Variants in SLC35F3 observed in about 807,000 individuals in gnomAD.
SLC35F3 encodes solute carrier family 35 member F3, also known as putative thiamine transporter SLC35F3.
In SLC35F3, 25 loss-of-function variants were observed where a neutral mutation model predicts 49.9. The observed-to-expected ratio is 0.50, with a 90% CI of 0.37 to 0.70. The LOEUF (loss-of-function observed/expected upper bound fraction) is 0.70, where lower values mean the gene tolerates loss of function less well. Ranked by LOEUF, SLC35F3 falls within the 30% of genes least tolerant of loss-of-function variation. SLC35F3 has a pLI of 0.00. For synonymous variants in SLC35F3, 275 were observed against 265.4 expected (o/e 1.04, Z -0.35); for missense variants, 525 against 639.8 (o/e 0.82, Z 1.94).
intron 2 of SLC35F3, among the ~76,000 whole-genome samples, chr1:233,949,881 A>G (rs1199909900): frequency 6.6e-6 from 1 of 152,116 alleles, no homozygotes; most frequent in African/African-American, 2.4e-5. Flanking sequence ...GAGACCCAAA[A>G]GCCGTACTTC....
chr1:234,203,289 T>C (rs1015399451), intron 2 of SLC35F3, among the ~76,000 whole-genome samples: 1 of 152,206 alleles, frequency 6.6e-6, no homozygotes, highest in African/African-American at 2.4e-5. Context: ...GTCAAAATAT[T>C]TTAAAAGTGA....
rs76471641 is a variant in SLC35F3 at position 234,208,244 on chromosome 1, A to G, written c.284-23173A>G. ...ATCATAAGTATCACTTAACTCTAGC[A>G]AATGGATTGATGCCTTATTGGAATC... On this transcript the variant is annotated intron_variant, in intron 2 of 7. Coordinates refer to ENST00000366618, the MANE Select transcript of SLC35F3 (RefSeq NM_173508.4). Among the ~76,000 whole-genome samples the G allele has an allele frequency of 1.8e-3, 273 of 152,316 alleles. 1 individual carries two copies. The highest frequency in any genetic ancestry group is 2.9e-3 in the Non-Finnish European group (200 of 68,034).
At chr1:233,926,041 C>T (rs1054836355) in intron 2 of SLC35F3, among the ~76,000 whole-genome samples, 38 of 152,242 alleles carry the variant, frequency 2.5e-4, no homozygotes, top group African/African-American at 8.2e-4. Flanking sequence ...GGTAACCCAA[C>T]CTTTCTCTCT....
rs557602172 is a variant in SLC35F3, at chr1:233,997,494, A to T, written c.283+91736A>T. 2.6e-5 allele frequency among the ~76,000 whole-genome samples: 4 copies of T among 152,222 alleles called. No homozygotes were observed. In the South Asian group the frequency reaches 8.3e-4, roughly 32 times the overall value. The stretch of plus-strand genomic sequence containing the variant: ...TTTGATTTGCATTTCTCCAATGATG[A>T]GTGAGGCTGAGCACCTTTGCATATA... On this transcript the variant is annotated intron_variant, in intron 2 of 7. Coordinates refer to ENST00000366618, the MANE Select transcript of SLC35F3 (RefSeq NM_173508.4).
At chr1:234,221,051 A>T (rs1212663305) in intron 2 of SLC35F3, among the ~76,000 whole-genome samples, 1 of 152,190 alleles carries the variant, frequency 6.6e-6, no homozygotes, top group Non-Finnish European at 1.5e-5. Flanking sequence ...CAGACCAGAG[A>T]ACTCAGATAG....
At chr1:233,963,170 T>C (rs934369966) in intron 2 of SLC35F3, among the ~76,000 whole-genome samples, 2 of 152,208 alleles carry the variant, frequency 1.3e-5, no homozygotes, top group African/African-American at 2.4e-5. Context: ...TTTTAAGTGA[T>C]AGGTCACTGT....
At chr1:234,065,667 G>A (rs554193047) in intron 2 of SLC35F3, among the ~76,000 whole-genome samples, 4 of 152,308 alleles carry the variant, frequency 2.6e-5, no homozygotes, top group African/African-American at 9.6e-5. Flanking sequence ...TGTGATGTTA[G>A]TAAAGACTTA....
intron 2 of SLC35F3, among the ~76,000 whole-genome samples, chr1:234,195,549 G>A (rs1355556004): frequency 6.6e-6 from 1 of 152,074 alleles, no homozygotes; most frequent in Non-Finnish European, 1.5e-5. Flanking sequence ...CCTTTGACTG[G>A]AAGGCCCTTC....
intron 3 of SLC35F3, among the ~76,000 whole-genome samples, chr1:234,254,037 C>G (rs1379974314): frequency 6.6e-6 from 1 of 152,186 alleles, no homozygotes; most frequent in Non-Finnish European, 1.5e-5. Flanking sequence ...TGTCCAAAAC[C>G]AGGCAAAGGC....
chr1:234,234,524 A>G (rs1667432901), intron 3 of SLC35F3, among the ~76,000 whole-genome samples: 1 of 152,170 alleles, frequency 6.6e-6, no homozygotes, highest in East Asian at 1.9e-4. Flanking sequence ...CTTCCAGGGA[A>G]TCCTAGTGCT....
chr1:234,267,636 G>A (rs1668011802), intron 3 of SLC35F3, among the ~76,000 whole-genome samples: 1 of 150,248 alleles, frequency 6.7e-6, no homozygotes, highest in Admixed American at 6.6e-5. Flanking sequence ...GCGGGGGGCT[G>A]ACCCCCCCAC....
intron 2 of SLC35F3, among the ~76,000 whole-genome samples, chr1:234,084,898 T>A (rs1664939150): frequency 6.6e-6 from 1 of 152,160 alleles, no homozygotes; most frequent in Non-Finnish European, 1.5e-5. Flanking sequence ...AGGGGCCACA[T>A]TAGAAGTGGA....
chr1:233,946,876 C>A (rs913698408), intron 2 of SLC35F3, among the ~76,000 whole-genome samples: 1 of 152,204 alleles, frequency 6.6e-6, no homozygotes. Context: ...GGAATGTCAC[C>A]TAGGAATGTG....
At chr1:234,051,610 T>C (rs59830700) in intron 2 of SLC35F3, among the ~76,000 whole-genome samples, 11,677 of 152,158 alleles carry the variant, frequency 0.077, 1,198 homozygotes, top group African/African-American at 0.23. Flanking sequence ...CTTCCTGTTT[T>C]CCTAGTTGAA....
chr1:234,139,951 T>TTAAAATAAAATAAAATAA (rs1553308861), intron 2 of SLC35F3, among the ~76,000 whole-genome samples: 2 of 90,582 alleles, frequency 2.2e-5, no homozygotes, highest in Non-Finnish European at 4.6e-5. Flanking sequence ...CATCTCAAAA[T>TTAAAATAAAATAAAATAA]AATAAAATAA....
rs558030553 is a variant in SLC35F3 at position 233,966,625 on chromosome 1, G to A, written c.283+60867G>A. On this transcript the variant is annotated intron_variant, in intron 2 of 7. Coordinates refer to ENST00000366618, the MANE Select transcript of SLC35F3 (RefSeq NM_173508.4). Reference sequence around the variant, plus strand: ...ATTGCCAACTCCAAGAATTTATAAAGATCCTATTAAAAAAATAATAACATT... The same window carrying A: ...ATTGCCAACTCCAAGAATTTATAAAAATCCTATTAAAAAAATAATAACATT... 5.3e-5 allele frequency among the ~76,000 whole-genome samples: 8 copies of A among 152,144 alleles called. No individual in the cohort carries two copies. In the South Asian group the frequency reaches 1.7e-3, roughly 32 times the overall value.
At chr1:234,054,490 C>T (rs1337946944) in intron 2 of SLC35F3, among the ~76,000 whole-genome samples, 1 of 152,218 alleles carries the variant, frequency 6.6e-6, no homozygotes, top group African/African-American at 2.4e-5. Context: ...TCAACTCCAT[C>T]AGGTCATTTA....
chr1:233,959,769 T>C (rs1374918736), intron 2 of SLC35F3, among the ~76,000 whole-genome samples: 1 of 152,104 alleles, frequency 6.6e-6, no homozygotes, highest in Admixed American at 6.5e-5. Context: ...GGTGGCAGAG[T>C]GGGGATTAGA....
intron 2 of SLC35F3, among the ~76,000 whole-genome samples, chr1:234,161,518 T>C (rs1666226603): frequency 6.6e-6 from 1 of 152,126 alleles, no homozygotes; most frequent in Non-Finnish European, 1.5e-5. Flanking sequence ...CCCAGCTCTT[T>C]GTGAGGCCAA....
Sources: allele counts gnomAD v4.1 joint callset (sites outside exome capture counted in the v4.1 genomes callset), GRCh38; gene constraint gnomAD v4.1.1; transcripts MANE v1.5; gene names NCBI Gene and HGNC (gene_info 2026-07-23, HGNC 2026-07-21).